Variants in EXOC2 observed in about 807,000 individuals in gnomAD.
EXOC2 encodes SEC5-like 1.
EXOC2 carries 70 observed loss-of-function variants against 131.8 expected under a neutral mutation model. The ratio of observed to expected loss-of-function variants is 0.53; its 90% confidence interval spans 0.44 to 0.65. The LOEUF (loss-of-function observed/expected upper bound fraction) is 0.65, where lower values mean the gene tolerates loss of function less well. Ranked by LOEUF, EXOC2 falls within the 30% of genes least tolerant of loss-of-function variation. The pLI is 0.00. For missense variants in EXOC2, 923 were observed against 1,108.6 expected, an observed-to-expected ratio of 0.83 and a Z score of 2.38; for synonymous variants, 411 against 398.4, an observed-to-expected ratio of 1.03 and a Z score of -0.38.
chr6:581,594 A>C (rs1209327886), intron 11 of EXOC2, among the ~76,000 whole-genome samples: 1 of 152,228 alleles, frequency 6.6e-6, no homozygotes, highest in Non-Finnish European at 1.5e-5. Flanking sequence ...AAATGATACA[A>C]AACAAAATTC....
At chr6:537,161 G>A (rs908651856) in intron 22 of EXOC2, among the ~76,000 whole-genome samples, 8 of 151,942 alleles carry the variant, frequency 5.3e-5, no homozygotes, top group South Asian at 2.1e-4. Context: ...TATGACCGAC[G>A]GAGCGTACAC....
At chr6:501,140 A>ATATATATTATATATATCTATATAT in intron 23 of EXOC2, among the ~76,000 whole-genome samples, 1 of 14,758 alleles carries the variant, frequency 6.8e-5, no homozygotes, top group Non-Finnish European at 1.5e-4. Context: ...ATATATATCT[A>ATATATATTATATATATCTATATAT]TATATATTAT....
chr6:551,426 G>C (rs1337576314), intron 21 of EXOC2, among the ~76,000 whole-genome samples: 1 of 152,262 alleles, frequency 6.6e-6, no homozygotes, highest in African/African-American at 2.4e-5. Flanking sequence ...AAACACTGGA[G>C]ACTAAGGCAG....
At chr6:611,353 G>T (rs1040327946) in intron 6 of EXOC2, among the ~76,000 whole-genome samples, 2 of 152,204 alleles carry the variant, frequency 1.3e-5, no homozygotes, top group African/African-American at 2.4e-5. Context: ...ACCCACTGCA[G>T]CTGCAATGAA....
chr6:528,213 AT>A (rs572640630), intron 23 of EXOC2, among the ~76,000 whole-genome samples: 129 of 149,098 alleles, frequency 8.7e-4, no homozygotes, highest in Middle Eastern at 3.5e-3. Context: ...AATCAACTGG[AT>A]TTTTTTTTTT....
intron 23 of EXOC2, among the ~76,000 whole-genome samples, chr6:502,747 G>T (rs961094594): frequency 3.3e-5 from 5 of 152,122 alleles, no homozygotes; most frequent in African/African-American, 1.2e-4. Context: ...GGAGCTCAAA[G>T]ACGTAACCTT....
chr6:545,201 A>C (rs2982492), intron 22 of EXOC2, among the ~76,000 whole-genome samples: 29,728 of 150,352 alleles, frequency 0.2, 4,169 homozygotes, highest in African/African-American at 0.4. Context: ...ATTTAATGCC[A>C]GCCATGTTTA....
intron 11 of EXOC2, among the ~76,000 whole-genome samples, chr6:578,023 G>A (rs1581478332): frequency 6.6e-6 from 1 of 152,148 alleles, no homozygotes; most frequent in East Asian, 1.9e-4. Flanking sequence ...TTAACAGCTA[G>A]GTATTGCCTA....
chr6:632,308 G>C (rs1044418732), intron 3 of EXOC2, among the ~76,000 whole-genome samples: 1 of 152,196 alleles, frequency 6.6e-6, no homozygotes, highest in Non-Finnish European at 1.5e-5. Context: ...CATGGTAAGA[G>C]AGTCCAGGTT....
At chr6:511,032 A>G (rs1011054255) in intron 23 of EXOC2, among the ~76,000 whole-genome samples, 4 of 152,244 alleles carry the variant, frequency 2.6e-5, no homozygotes, top group African/African-American at 7.2e-5. Flanking sequence ...AAAGATTTTA[A>G]TGAGCTGAGA....
intron 25 of EXOC2, 144 bp downstream of exon 25, chr6:497,223 G>A: frequency 1.5e-6 from 1 of 681,146 alleles, no homozygotes; most frequent in South Asian, 2.2e-5. Flanking sequence ...CATGGGTATG[G>A]CTTATGCAAG....
At chr6:683,571 A>T (rs1010575722) in intron 1 of EXOC2, among the ~76,000 whole-genome samples, 1 of 112,074 alleles carries the variant, frequency 8.9e-6, no homozygotes, top group Non-Finnish European at 1.9e-5. Context: ...AAGGTCAAGA[A>T]ACCAACCGTC....
intron 2 of EXOC2, 114 bp from the exon 3 acceptor site, chr6:633,231 T>G: frequency 9.2e-7 from 1 of 1,088,288 alleles, no homozygotes; most frequent in Non-Finnish European, 1.3e-6. Flanking sequence ...TTATTGAATA[T>G]ACCCAATATT....
chr6:512,155 C>T (rs1240154496), intron 23 of EXOC2, among the ~76,000 whole-genome samples: 1 of 152,246 alleles, frequency 6.6e-6, no homozygotes, highest in East Asian at 1.9e-4. Context: ...CCTTGAGCCC[C>T]TTCTCAGCTC....
At chr6:689,641 T>C (rs922307327) in intron 1 of EXOC2, among the ~76,000 whole-genome samples, 1 of 152,240 alleles carries the variant, frequency 6.6e-6, no homozygotes, top group Non-Finnish European at 1.5e-5. Flanking sequence ...TATTCTTTAA[T>C]TGAGAGGGCA....
At chr6:495,144 G>A (rs1484881857) in intron 25 of EXOC2, among the ~76,000 whole-genome samples, 2 of 52,842 alleles carry the variant, frequency 3.8e-5, no homozygotes, top group African/African-American at 8.0e-5. Context: ...TTTTTTTTTT[G>A]AGACGGAGTC....
chr6:691,929 G>A (rs1764945810), intron 1 of EXOC2, among the ~76,000 whole-genome samples: 1 of 152,138 alleles, frequency 6.6e-6, no homozygotes. Flanking sequence ...TTACTACTCT[G>A]GGAATCGCCA....
rs1193338873 is a variant in EXOC2 at position 658,707 on chromosome 6, G to A, written c.-43-20846C>T. Among the ~76,000 whole-genome samples the A allele has an allele frequency of 1.6e-4, 22 of 133,730 alleles. 1 individual carries two copies. The South Asian group carries it at 5.1e-3, about 31-fold the overall frequency. 87.7% of individuals were successfully genotyped at this position (133,730 alleles called of 152,430 possible). A position where few individuals can be genotyped will look rare whatever the true frequency, so the allele number is the denominator to read the frequency against. ...ACGAAGTCTTGCTTTTGTCGCCCAGGCTAGAGTGCAATGGCGTGATCTCGG... is the reference window on the plus strand; with the variant it reads ...ACGAAGTCTTGCTTTTGTCGCCCAGACTAGAGTGCAATGGCGTGATCTCGG... On this transcript the variant is annotated intron_variant, in intron 1 of 27. Coordinates refer to ENST00000230449, the MANE Select transcript of EXOC2 (RefSeq NM_018303.6).
chr6:556,712 C>A, intron 17 of EXOC2, 148 bp from the exon 18 acceptor site: 2 of 793,650 alleles, frequency 2.5e-6, no homozygotes, highest in Admixed American at 2.5e-5. Context: ...ATCTCCTAGT[C>A]ATTGAGTTTC....
Sources: gnomAD v4.1 joint callset for allele counts (sites outside exome capture counted in the v4.1 genomes callset) on GRCh38, gnomAD v4.1.1 for gene constraint, MANE v1.5 for transcripts, NCBI Gene and HGNC (gene_info 2026-07-23, HGNC 2026-07-21) for gene names.